The following NRL variants were observed in gnomAD, a reference collection of about 807,000 sequenced individuals.
The protein encoded by NRL is neural retina-specific leucine zipper protein.
In NRL, 16 loss-of-function variants were observed where a neutral mutation model predicts 12.5. That is an observed-to-expected ratio of 1.28 (90% CI 0.87 to 1.95). The LOEUF is 1.95. Among genes scored for constraint, NRL ranks in the 30% most tolerant of loss-of-function variants. The pLI, the probability that NRL is intolerant of heterozygous loss-of-function variation, is 0.00. For missense variants in NRL, 314 were observed against 325.8 expected (o/e 0.96, Z 0.28); for synonymous variants, 142 against 150.9 (o/e 0.94, Z 0.43).
At chr14:24,082,004 G>GC in intron 2 of NRL, 1 of 1,202,456 alleles carries the variant, frequency 8.3e-7, no homozygotes, top group African/African-American at 1.6e-5. Context: ...CCTAATGCCC[G>GC]CAACACCCCC....
chr14:24,103,638 A>G (rs1413495742), intron 1 of NRL: 12 of 1,613,994 alleles, frequency 7.4e-6, no homozygotes, highest in Non-Finnish European at 1.0e-5. Context: ...CTTCCATGTC[A>G]ACTGGTTCCG....
At chr14:24,099,445 T>C (rs1429218803) in intron 1 of NRL, 2 of 1,100,336 alleles carry the variant, frequency 1.8e-6, no homozygotes, top group South Asian at 3.0e-5. Flanking sequence ...CAATCACTTA[T>C]ATAGTTAATA....
chr14:24,103,671 C>A, intron 1 of NRL: 1 of 1,614,208 alleles, frequency 6.2e-7, no homozygotes, highest in South Asian at 1.1e-5. Flanking sequence ...AGGGCACTTC[C>A]TGTGGCCAGG....
intron 1 of NRL, among the ~76,000 whole-genome samples, chr14:24,104,357 T>A (rs1594316166): frequency 6.6e-6 from 1 of 150,594 alleles, no homozygotes; most frequent in Non-Finnish European, 1.5e-5. Flanking sequence ...AGGCTGGGTG[T>A]GGTGGTTCAC....
intron 1 of NRL, chr14:24,100,053 T>C (rs1490208726): frequency 6.2e-7 from 1 of 1,613,562 alleles, no homozygotes; most frequent in African/African-American, 1.3e-5. Flanking sequence ...CTGGTACCTC[T>C]GCCACCACCA....
chr14:24,088,958 G>A (rs1378178203), intron 1 of NRL, among the ~76,000 whole-genome samples: 1 of 151,884 alleles, frequency 6.6e-6, no homozygotes, highest in African/African-American at 2.4e-5. Context: ...CCGCCACCAT[G>A]CCTGGCTAAT....
chr14:24,110,801 G>A (rs1435670714), intron 1 of NRL, among the ~76,000 whole-genome samples: 1 of 152,230 alleles, frequency 6.6e-6, no homozygotes, highest in Non-Finnish European at 1.5e-5. Context: ...AGGCTGTGAG[G>A]AAGGGAGTTT....
rs2037356985 is a variant in NRL at position 24,107,507 on chromosome 14, C to T, written c.-28+7215G>A. ...CCCATCTCTATCATAGCCACCCCTT[C>T]CTGCCATAGTGGATACTATGGTGAG... On this transcript the variant is annotated intron_variant, in intron 1 of 2. Coordinates refer to ENST00000561028, the MANE Select transcript of NRL (RefSeq NM_001354768.3). Among the ~76,000 whole-genome samples, 9 of 150,240 alleles carry T rather than the reference C, an allele frequency of 6.0e-5. No individual in the cohort carries two copies. In the South Asian group the frequency reaches 1.9e-3, roughly 32 times the overall value.
At chr14:24,100,480 C>A in intron 1 of NRL, 1 of 826,770 alleles carries the variant, frequency 1.2e-6, no homozygotes, top group Non-Finnish European at 1.7e-6. Flanking sequence ...TAGTACCTAT[C>A]TCATGAGATT....
intron 1 of NRL, among the ~76,000 whole-genome samples, chr14:24,091,340 G>A (rs367638966): frequency 5.9e-5 from 9 of 152,086 alleles, no homozygotes; most frequent in South Asian, 2.1e-4. Flanking sequence ...TAGTAGAGAC[G>A]GGGTTTCACC....
chr14:24,094,179 C>G lies in NRL; in HGVS notation c.-27-11304G>C. 1 of 558,368 alleles carries G rather than the reference C, an allele frequency of 1.8e-6. No homozygotes were observed. The highest frequency in any genetic ancestry group is 3.1e-6 in the Non-Finnish European group (1 of 321,732). 34.6% of individuals were successfully genotyped at this position (558,368 alleles called of 1,614,324 possible). On this transcript the variant is annotated intron_variant, in intron 1 of 2. Transcript: ENST00000561028. This position sits in a 1 kb window ranked among gnomAD's most constrained non-coding sequence, Gnocchi z 4.1. ...GGGTTGGGGCGGCGGCTGGGCTGAC[C>G]TGGAGCCTGGAGCCCCGGGGCCGAG...
chr14:24,091,799 T>C (rs1448912174), intron 1 of NRL, among the ~76,000 whole-genome samples: 1 of 152,154 alleles, frequency 6.6e-6, no homozygotes, highest in Admixed American at 6.5e-5. Flanking sequence ...GATAAAAGTA[T>C]AAAATATTCA....
At chr14:24,088,803 ATTTTTTTTTT>A (rs756699961) in intron 1 of NRL, among the ~76,000 whole-genome samples, 1 of 106,430 alleles carries the variant, frequency 9.4e-6, no homozygotes, top group Non-Finnish European at 1.9e-5. Context: ...TGCCTGGCTA[ATTTTTTTTTT>A]TTTTTTTTTT....
intron 1 of NRL, among the ~76,000 whole-genome samples, chr14:24,113,777 C>G (rs1344565533): frequency 6.6e-6 from 1 of 152,240 alleles, no homozygotes; most frequent in African/African-American, 2.4e-5. Flanking sequence ...CTCGCCCTCA[C>G]TGGGAGAGGC....
At chr14:24,100,141 T>A (rs771757740) in intron 1 of NRL, 3 of 1,613,798 alleles carry the variant, frequency 1.9e-6, no homozygotes, top group Non-Finnish European at 2.5e-6. Context: ...TGGCGTGTAC[T>A]GGGAGGGCAT....
intron 1 of NRL, 105 bp from the exon 2 acceptor site, chr14:24,082,980 G>A: frequency 8.8e-7 from 1 of 1,131,326 alleles, no homozygotes. Flanking sequence ...GCAAGAGTTT[G>A]GGAAAGCCAG....
At chr14:24,083,826 T>C (rs1274429531) in intron 1 of NRL, among the ~76,000 whole-genome samples, 1 of 152,232 alleles carries the variant, frequency 6.6e-6, no homozygotes, top group Non-Finnish European at 1.5e-5. Context: ...TGAGCAATCC[T>C]TTAGTAAACC....
intron 1 of NRL, chr14:24,084,724 AT>A: frequency 1.0e-6 from 1 of 985,338 alleles, no homozygotes; most frequent in Non-Finnish European, 1.2e-6. Flanking sequence ...AGGTAAGGAG[AT>A]CATTTGCATA....
chr14:24,104,218 A>T, intron 1 of NRL: 1 of 505,498 alleles, frequency 2.0e-6, no homozygotes, highest in Non-Finnish European at 3.6e-6. Flanking sequence ...CCCCTAGAAG[A>T]AGCACAGCCT....
Sources: gnomAD v4.1 joint callset for allele counts (sites outside exome capture counted in the v4.1 genomes callset) on GRCh38, gnomAD v4.1.1 for gene constraint, Gnocchi (gnomAD v3.1) non-coding constraint, MANE v1.5 for transcripts, NCBI Gene and HGNC (gene_info 2026-07-23, HGNC 2026-07-21) for gene names.